The following PLPPR1 variants were observed in gnomAD, a reference collection of about 807,000 sequenced individuals.
PLPPR1 encodes the protein phospholipid phosphatase-related protein type 1.
A neutral mutation model predicts 33.1 loss-of-function variants in PLPPR1; 10 were observed. That is an observed-to-expected ratio of 0.30 (90% CI 0.19 to 0.51). The LOEUF is 0.51. PLPPR1 is among the 20% of genes least tolerant of loss of function. The pLI is 0.97. For synonymous variants in PLPPR1, 151 were observed against 151.0 expected (o/e 1.00, Z 0.00); for missense variants, 304 against 408.1 (o/e 0.74, Z 2.20).
In PLPPR1 at chr9:101,159,655, A is replaced by G. The variant is rs565896762; in HGVS notation, c.-45-25795A>G. ...ACAAAAGAGAAGGGCTAAAAGAGAG[A>G]CCAGTTAGAAAGAGGTGGAGAGTCA... On this transcript the variant is annotated intron_variant, in intron 1 of 7. Coordinates refer to ENST00000374874, the MANE Select transcript of PLPPR1 (RefSeq NM_207299.2). Among the ~76,000 whole-genome samples, 7 of 152,312 alleles carry G rather than the reference A, an allele frequency of 4.6e-5. No individual in the cohort carries two copies. The South Asian group carries it at 1.5e-3, about 32-fold the overall frequency.
At chr9:101,216,701 T>G (rs1427642939) in intron 2 of PLPPR1, among the ~76,000 whole-genome samples, 3 of 152,218 alleles carry the variant, frequency 2.0e-5, no homozygotes, top group Non-Finnish European at 1.5e-5. Flanking sequence ...GTAGGATTTG[T>G]CAACATCAGC....
intron 2 of PLPPR1, among the ~76,000 whole-genome samples, chr9:101,239,762 TGTTGA>T (rs963658787): frequency 2.0e-5 from 3 of 152,012 alleles, no homozygotes; most frequent in South Asian, 2.1e-4. Flanking sequence ...AGATTTTTAT[TGTTGA>T]GTTATTTGAG....
intron 4 of PLPPR1, among the ~76,000 whole-genome samples, chr9:101,302,740 T>C (rs1828777026): frequency 6.6e-6 from 1 of 152,144 alleles, no homozygotes; most frequent in Non-Finnish European, 1.5e-5. Flanking sequence ...GATTTTTTTA[T>C]CATTTTTTCT....
At chr9:101,247,407 G>A (rs987674324) in intron 2 of PLPPR1, among the ~76,000 whole-genome samples, 6 of 152,108 alleles carry the variant, frequency 3.9e-5, no homozygotes, top group Non-Finnish European at 5.9e-5. Flanking sequence ...TCTGAGAGGC[G>A]AATTTGCACA....
At chr9:101,134,633 C>T (rs533833890) in intron 1 of PLPPR1, among the ~76,000 whole-genome samples, 5 of 152,150 alleles carry the variant, frequency 3.3e-5, no homozygotes, top group African/African-American at 4.8e-5. Context: ...ATTTGCCCAC[C>T]TCAGCCTCCC....
chr9:101,309,625 A>G (rs1828921500), intron 5 of PLPPR1, among the ~76,000 whole-genome samples, 164 bp downstream of exon 5: 1 of 151,924 alleles, frequency 6.6e-6, no homozygotes, highest in South Asian at 2.1e-4. Flanking sequence ...CCACACACAC[A>G]CTTCTACCCC....
At chr9:101,034,581 C>T (rs766945583) in intron 1 of PLPPR1, among the ~76,000 whole-genome samples, 20 of 152,104 alleles carry the variant, frequency 1.3e-4, no homozygotes, top group Middle Eastern at 3.2e-3. Context: ...ATAAACTGTG[C>T]GACTTTGGGC....
At chr9:101,222,746 G>A (rs923616816) in intron 2 of PLPPR1, among the ~76,000 whole-genome samples, 1 of 152,176 alleles carries the variant, frequency 6.6e-6, no homozygotes, top group Non-Finnish European at 1.5e-5. Context: ...CATGGGAACA[G>A]TAGTTTGTTG....
chr9:101,320,564 C>A (rs1006826285), intron 7 of PLPPR1, among the ~76,000 whole-genome samples: 3 of 152,176 alleles, frequency 2.0e-5, no homozygotes, highest in Non-Finnish European at 2.9e-5. Context: ...CTTCTGCAGG[C>A]TAGCCAGAAT....
At chr9:101,079,024 G>C (rs189787726) in intron 1 of PLPPR1, among the ~76,000 whole-genome samples, 2 of 152,268 alleles carry the variant, frequency 1.3e-5, no homozygotes, top group Admixed American at 1.3e-4. Flanking sequence ...AGTTATATGT[G>C]TGGATGGTAT....
chr9:101,231,451 T>C (rs1261706225), intron 2 of PLPPR1, among the ~76,000 whole-genome samples: 1 of 151,866 alleles, frequency 6.6e-6, no homozygotes, highest in Non-Finnish European at 1.5e-5. Flanking sequence ...AATTCTCCTA[T>C]TGCAAGAGTT....
chr9:101,122,519 C>A (rs1222253689), intron 1 of PLPPR1, among the ~76,000 whole-genome samples: 1 of 152,086 alleles, frequency 6.6e-6, no homozygotes. Flanking sequence ...TAATCAAAAT[C>A]TCTGCAAGCT....
At chr9:101,178,413 T>C (rs951443534) in intron 1 of PLPPR1, among the ~76,000 whole-genome samples, 4 of 152,202 alleles carry the variant, frequency 2.6e-5, no homozygotes, top group South Asian at 2.1e-4. Context: ...AGCAGAGGTT[T>C]GTCCTCACTG....
intron 5 of PLPPR1, among the ~76,000 whole-genome samples, chr9:101,311,778 T>G (rs1446353798): frequency 6.6e-6 from 1 of 152,236 alleles, no homozygotes; most frequent in Non-Finnish European, 1.5e-5. Context: ...GCTCAGGCCA[T>G]ATACACATAC....
At chr9:101,222,977 T>G (rs533651946) in intron 2 of PLPPR1, among the ~76,000 whole-genome samples, 2 of 151,778 alleles carry the variant, frequency 1.3e-5, no homozygotes, top group Non-Finnish European at 2.9e-5. Context: ...AGACTACTTC[T>G]CTCCCAACCT....
At chr9:101,154,970 G>C (rs1432710323) in intron 1 of PLPPR1, among the ~76,000 whole-genome samples, 2 of 108,946 alleles carry the variant, frequency 1.8e-5, no homozygotes, top group Non-Finnish European at 1.8e-5. Flanking sequence ...ATGGGGTGGG[G>C]GGAGGGGGGA....
chr9:101,040,948 T>C (rs1050578373), intron 1 of PLPPR1, among the ~76,000 whole-genome samples: 41 of 152,246 alleles, frequency 2.7e-4, no homozygotes, highest in African/African-American at 8.7e-4. Flanking sequence ...TGAGAATGGA[T>C]TTAAGACACC....
chr9:101,113,329 T>G (rs1255668516), intron 1 of PLPPR1, among the ~76,000 whole-genome samples: 2 of 152,106 alleles, frequency 1.3e-5, no homozygotes, highest in African/African-American at 4.8e-5. Context: ...TAGGTCAGTG[T>G]TTTTGTACAT....
At chr9:101,064,086 T>A (rs1187382001) in intron 1 of PLPPR1, among the ~76,000 whole-genome samples, 1 of 152,112 alleles carries the variant, frequency 6.6e-6, no homozygotes, top group Admixed American at 6.6e-5. Context: ...TATAGATCTA[T>A]GATTCTATAG....
Sources: gnomAD v4.1 joint callset for allele counts (sites outside exome capture counted in the v4.1 genomes callset) on GRCh38, gnomAD v4.1.1 for gene constraint, MANE v1.5 for transcripts, NCBI Gene and HGNC (gene_info 2026-07-23, HGNC 2026-07-21) for gene names.